Variants in SEPTIN14 observed in about 807,000 individuals in gnomAD.
The protein encoded by SEPTIN14 is septin-14.
SEPTIN14 carries 40 observed loss-of-function variants against 53.6 expected under a neutral mutation model. That is an observed-to-expected ratio of 0.75 (90% CI 0.58 to 0.97). The LOEUF (loss-of-function observed/expected upper bound fraction) is 0.97, where lower values mean the gene tolerates loss of function less well. Among genes scored for constraint, SEPTIN14 ranks in the 50% least tolerant of loss-of-function variants. The pLI is 0.00. For missense variants in SEPTIN14, 471 were observed against 508.2 expected (o/e 0.93, Z 0.70); for synonymous variants, 138 against 166.8 (o/e 0.83, Z 1.33).
At chr7:55,825,828 C>G (rs1788974077) in intron 6 of SEPTIN14, among the ~76,000 whole-genome samples, 1 of 152,072 alleles carries the variant, frequency 6.6e-6, no homozygotes, top group Non-Finnish European at 1.5e-5. Context: ...ATTGGCCGGG[C>G]ATGGTGGCTC....
At chr7:55,851,890 C>T (rs981585677) in intron 2 of SEPTIN14, among the ~76,000 whole-genome samples, 1 of 152,116 alleles carries the variant, frequency 6.6e-6, no homozygotes, top group Non-Finnish European at 1.5e-5. Context: ...CGCCTGTAAT[C>T]CCAGCACTTT....
At chr7:55,818,502 G>A (rs573379112) in intron 7 of SEPTIN14, among the ~76,000 whole-genome samples, 54 of 149,332 alleles carry the variant, frequency 3.6e-4, no homozygotes, top group South Asian at 1.5e-3. Flanking sequence ...AAATCATTTG[G>A]AAACCAGTAC....
intron 6 of SEPTIN14, among the ~76,000 whole-genome samples, chr7:55,821,355 C>T (rs1788891423): frequency 6.6e-6 from 1 of 152,168 alleles, no homozygotes; most frequent in Admixed American, 6.5e-5. Context: ...AGCTTCAGGG[C>T]AGGGTGGGTA....
rs572800708 is a variant in SEPTIN14, at chr7:55,845,998, G to A, written c.175+519C>T. Reference sequence around the variant, plus strand: ...TGGGAGGCGGAGCTTGCAGTGAACCGAGATTGCACCACTGCACTCCAGCAT... The same window carrying A: ...TGGGAGGCGGAGCTTGCAGTGAACCAAGATTGCACCACTGCACTCCAGCAT... On this transcript the variant is annotated intron_variant, in intron 3 of 9. Coordinates refer to ENST00000388975, the MANE Select transcript of SEPTIN14 (RefSeq NM_207366.3). Among the ~76,000 whole-genome samples, 394 of 138,692 alleles carry A rather than the reference G, an allele frequency of 2.8e-3. 5 individuals carry two copies. The highest frequency in any genetic ancestry group is 0.012 in the Middle Eastern group (3 of 248). 91.0% of individuals were successfully genotyped at this position (138,692 alleles called of 152,430 possible). A position where few individuals can be genotyped will look rare whatever the true frequency, so the allele number is the denominator to read the frequency against.
chr7:55,835,824 C>T (rs1009285077), intron 5 of SEPTIN14, among the ~76,000 whole-genome samples: 9 of 152,202 alleles, frequency 5.9e-5, no homozygotes, highest in Admixed American at 1.3e-4. Context: ...CTCAGGGCAA[C>T]GTCTGCCTCC....
At chr7:55,819,379 G>T (rs556272778) in intron 6 of SEPTIN14, among the ~76,000 whole-genome samples, 156 bp from the exon 7 acceptor site, 1 of 152,146 alleles carries the variant, frequency 6.6e-6, no homozygotes, top group Non-Finnish European at 1.5e-5. Flanking sequence ...CATGAGGTCA[G>T]GAGATCGAGA....
At chr7:55,851,080 C>CA (rs894527149) in intron 2 of SEPTIN14, among the ~76,000 whole-genome samples, 2 of 150,108 alleles carry the variant, frequency 1.3e-5, no homozygotes, top group South Asian at 2.1e-4. Flanking sequence ...TCTTGTCTCA[C>CA]AAAAAAAAAG....
At position 55,834,540 on chromosome 7, in the gene SEPTIN14, T is replaced by G; in HGVS notation, c.605A>C (p.Asn202Thr). The change falls in exon 6 of 10, where the codon AAT becomes ACT. Residue 202 changes from asparagine to threonine, a missense_variant. Coordinates refer to ENST00000388975, the MANE Select transcript of SEPTIN14 (RefSeq NM_207366.3). The stretch of plus-strand genomic sequence containing the variant: ...CTTATTCTTAAACGTCTGTAAATCA[T>G]TTTTAGAAATAGTGTCTGCTTTGGC... ...LIAKADTISK[N>T]DLQTFKNKIM... is the part of the protein sequence containing the mutation. 1 of 1,610,808 alleles carries G rather than the reference T, an allele frequency of 6.2e-7. No homozygotes were observed. Among genetic ancestry groups the G allele is most frequent in the Middle Eastern group, 1.7e-4 (1 of 6,060 alleles).
At chr7:55,844,745 T>C in intron 3 of SEPTIN14, 27 bp from the exon 4 acceptor site, 1 of 1,332,416 alleles carries the variant, frequency 7.5e-7, no homozygotes, top group South Asian at 1.7e-5. Flanking sequence ...GTCATTGTCA[T>C]AGGGACATAA....
At position 55,834,508 on chromosome 7, in the gene SEPTIN14, T is replaced by A; in HGVS notation, c.637A>T (p.Ser213Cys). The A allele has an allele frequency of 6.2e-7, 1 of 1,612,184 alleles. No individual in the cohort carries two copies. Among genetic ancestry groups the A allele is most frequent in the Non-Finnish European group, 8.5e-7 (1 of 1,178,276 alleles). ...DLQTFKNKIM[S>C]ELISNGIQIY... Reference sequence around the variant, plus strand: ...TGGATGCCATTGCTAATCAATTCACTCATTATCTTATTCTTAAACGTCTGT... The same window carrying A: ...TGGATGCCATTGCTAATCAATTCACACATTATCTTATTCTTAAACGTCTGT... The change falls in exon 6 of 10, where the codon AGT becomes TGT. Residue 213 changes from serine to cysteine, a missense_variant. Ser to Cys is a moderately radical substitution (Grantham distance 112, BLOSUM62 -1). Coordinates refer to ENST00000388975, the MANE Select transcript of SEPTIN14 (RefSeq NM_207366.3).
intron 7 of SEPTIN14, 83 bp from the exon 8 acceptor site, chr7:55,807,341 TA>T: frequency 3.7e-6 from 3 of 815,400 alleles, no homozygotes; most frequent in Non-Finnish European, 3.8e-6. Flanking sequence ...AATACATGAA[TA>T]AAAAACACAT....
At position 55,844,521 on chromosome 7, in the gene SEPTIN14, AC is replaced by A. The variant is rs778432866; in HGVS notation, c.371+1del. The stretch of plus-strand genomic sequence containing the variant: ...TTTTAATTTAAATAAGAAAACACTC[AC>A]CTGGCTTCTTTGTCTATTTGATCAC... On this transcript the variant is annotated splice_donor_variant, in intron 4 of 9. Coordinates refer to ENST00000388975, the MANE Select transcript of SEPTIN14 (RefSeq NM_207366.3). LOFTEE classifies it high-confidence loss of function. 1 of 1,446,110 alleles carries A rather than the reference AC, an allele frequency of 6.9e-7. No homozygotes were observed. Among genetic ancestry groups the A allele is most frequent in the East Asian group, 2.4e-5 (1 of 41,522 alleles). 89.6% of individuals were successfully genotyped at this position (1,446,110 alleles called of 1,614,324 possible).
intron 9 of SEPTIN14, among the ~76,000 whole-genome samples, chr7:55,802,460 G>A (rs991787664): frequency 6.6e-5 from 10 of 152,046 alleles, no homozygotes; most frequent in Non-Finnish European, 1.0e-4. Flanking sequence ...GAATTAGATC[G>A]CACATTAAAT....
chr7:55,836,674 G>A (rs1218367034), intron 5 of SEPTIN14, among the ~76,000 whole-genome samples: 1 of 152,134 alleles, frequency 6.6e-6, no homozygotes, highest in Non-Finnish European at 1.5e-5. Context: ...GGAGGCAGAG[G>A]TTGCAGTGAG....
intron 2 of SEPTIN14, among the ~76,000 whole-genome samples, chr7:55,853,447 T>C (rs1320972287): frequency 3.3e-5 from 5 of 152,196 alleles, no homozygotes; most frequent in African/African-American, 9.7e-5. Flanking sequence ...CTTCACATGT[T>C]CTCACTTACT....
At chr7:55,832,358 G>T (rs566754002) in intron 6 of SEPTIN14, among the ~76,000 whole-genome samples, 3 of 152,074 alleles carry the variant, frequency 2.0e-5, no homozygotes, top group Non-Finnish European at 2.9e-5. Flanking sequence ...GAGATTTCTC[G>T]AAGCACTAAA....
In SEPTIN14 at chr7:55,795,673, G is replaced by T; in HGVS notation, c.*240C>A. On this transcript the variant is annotated 3_prime_UTR_variant, in exon 10 of 10. Coordinates refer to ENST00000388975, the MANE Select transcript of SEPTIN14 (RefSeq NM_207366.3). ...AGTAGAGGCAGGGTTTCATCATTTT[G>T]GTCAGGCTGGTTTTGAACTCCTGAC... The T allele has an allele frequency of 2.1e-6, 1 of 465,900 alleles. No individual in the cohort carries two copies. Among genetic ancestry groups the T allele is most frequent in the Non-Finnish European group, 3.8e-6 (1 of 260,112 alleles). 28.9% of individuals were successfully genotyped at this position (465,900 alleles called of 1,614,324 possible). A position where few individuals can be genotyped will look rare whatever the true frequency, so the allele number is the denominator to read the frequency against.
chr7:55,855,548 T>TTTTCC (rs1789606246), intron 2 of SEPTIN14, among the ~76,000 whole-genome samples: 1 of 151,830 alleles, frequency 6.6e-6, no homozygotes, highest in East Asian at 1.9e-4. Context: ...TGTAGGTGCT[T>TTTTCC]TTTTCTTTTC....
chr7:55,795,955 C>T lies in SEPTIN14; in HGVS notation c.1257G>A (p.Gln419=), dbSNP rs776654400. The T allele has an allele frequency of 4.4e-6, 7 of 1,594,938 alleles. No homozygotes were observed. The highest frequency in any genetic ancestry group is 5.1e-6 in the Non-Finnish European group (6 of 1,178,508). ...MKAASEALQT[Q]LSTDTKKDKH... The stretch of plus-strand genomic sequence containing the variant: ...TGTCTTTCTTTGTATCGGTGCTCAG[C>T]TGAGTCTGCAGTGCTTCGGAGGCAG... The change falls in exon 10 of 10, where the codon CAG becomes CAA. Residue 419 remains glutamine (Q), a synonymous_variant. Coordinates refer to ENST00000388975, the MANE Select transcript of SEPTIN14 (RefSeq NM_207366.3).
Sources: gnomAD v4.1 joint callset for allele counts (sites outside exome capture counted in the v4.1 genomes callset) on GRCh38, gnomAD v4.1.1 for gene constraint, MANE v1.5 for transcripts, NCBI Gene and HGNC (gene_info 2026-07-23, HGNC 2026-07-21) for gene names.